SEMA3A: variants seen among roughly 807,000 people sequenced by gnomAD.
SEMA3A encodes semaphorin 3A, also known as semaphorin-3A.
A neutral mutation model predicts 97.9 loss-of-function variants in SEMA3A; 29 were observed. The ratio of observed to expected loss-of-function variants is 0.30; its 90% CI spans 0.22 to 0.40. The LOEUF is 0.40. Ranked by LOEUF, SEMA3A falls within the 10% of genes least tolerant of loss-of-function variation. SEMA3A has a pLI of 1.00. For missense variants in SEMA3A, 763 were observed against 951.3 expected, an observed-to-expected ratio of 0.80 and a Z score of 2.60; for synonymous variants, 321 against 323.7, an observed-to-expected ratio of 0.99 and a Z score of 0.09.
chr7:83,975,429 A>C (rs1413217124), intron 15 of SEMA3A, among the ~76,000 whole-genome samples: 1 of 152,184 alleles, frequency 6.6e-6, no homozygotes, highest in African/African-American at 2.4e-5. Flanking sequence ...TTTGAATATA[A>C]TGGTGTTGAT....
At chr7:84,385,486 T>C (rs752427100) in intron 1 of SEMA3A, among the ~76,000 whole-genome samples, 2 of 152,208 alleles carry the variant, frequency 1.3e-5, no homozygotes, top group African/African-American at 2.4e-5. Context: ...ACTCATCGTT[T>C]CATTGCTAGT....
chr7:84,332,494 T>C (rs1801931145), intron 2 of SEMA3A, among the ~76,000 whole-genome samples: 1 of 152,138 alleles, frequency 6.6e-6, no homozygotes. Flanking sequence ...TTCTTTACTA[T>C]AAGTCTACAC....
At chr7:84,400,183 G>A (rs1256744313) in intron 1 of SEMA3A, among the ~76,000 whole-genome samples, 1 of 152,110 alleles carries the variant, frequency 6.6e-6, no homozygotes, top group Non-Finnish European at 1.5e-5. Flanking sequence ...TTACAAACAA[G>A]ACCAGACTGT....
chr7:84,313,007 T>C (rs947656580), intron 2 of SEMA3A, among the ~76,000 whole-genome samples: 1 of 142,680 alleles, frequency 7.0e-6, no homozygotes, highest in Non-Finnish European at 1.5e-5. Flanking sequence ...TAGATGTGTA[T>C]GTATATTATA....
rs866234541 is a variant in SEMA3A, at chr7:84,270,317, A to G, written c.-83+36890T>C. On this transcript the variant is annotated intron_variant, in intron 3 of 3. Transcript: ENST00000424555. ...TGTATAGTTTGCTGAATATCTGTGA[A>G]ACACACTACATCTCAGACCTTTATT... 2.6e-5 allele frequency among the ~76,000 whole-genome samples: 4 copies of G among 152,116 alleles called. No homozygotes were observed. In the South Asian group the frequency reaches 8.3e-4, roughly 32 times the overall value.
intron 3 of SEMA3A, among the ~76,000 whole-genome samples, chr7:84,300,505 T>C (rs2115823936): frequency 6.6e-6 from 1 of 152,200 alleles, no homozygotes; most frequent in African/African-American, 2.4e-5. Flanking sequence ...GAAATCAGAA[T>C]ATATTAAATG....
chr7:84,315,911 T>G (rs1801482761), intron 2 of SEMA3A, among the ~76,000 whole-genome samples: 1 of 151,844 alleles, frequency 6.6e-6, no homozygotes, highest in Admixed American at 6.6e-5. Context: ...TTTATGATTT[T>G]ATGTACTTTT....
chr7:84,470,798 C>G (rs967086619), intron 1 of SEMA3A, among the ~76,000 whole-genome samples: 1 of 152,036 alleles, frequency 6.6e-6, no homozygotes, highest in Non-Finnish European at 1.5e-5. Context: ...AGCTCAACCT[C>G]GTCCCCATTC....
chr7:84,422,696 G>T (rs933777102), intron 1 of SEMA3A, among the ~76,000 whole-genome samples: 2 of 152,062 alleles, frequency 1.3e-5, no homozygotes, highest in African/African-American at 4.8e-5. Flanking sequence ...CTGTGTCCCA[G>T]AGATTCTGGT....
intron 10 of SEMA3A, among the ~76,000 whole-genome samples, chr7:84,005,885 G>T (rs1790647944): frequency 1.3e-5 from 2 of 152,120 alleles, no homozygotes; most frequent in African/African-American, 4.8e-5. Flanking sequence ...GGAGGTGGAG[G>T]TTGCAGTGAA....
chr7:84,393,242 C>T (rs1803633258), intron 1 of SEMA3A, among the ~76,000 whole-genome samples: 1 of 151,972 alleles, frequency 6.6e-6, no homozygotes, highest in Admixed American at 6.6e-5. Context: ...AGATAAGGGT[C>T]CAATTTCATT....
chr7:84,048,134 A>C (rs986280043), intron 5 of SEMA3A, among the ~76,000 whole-genome samples: 1 of 152,076 alleles, frequency 6.6e-6, no homozygotes, highest in African/African-American at 2.4e-5. Context: ...TGTTGAGTAT[A>C]AATTATTAGT....
chr7:84,367,404 C>T (rs964386458), intron 2 of SEMA3A, among the ~76,000 whole-genome samples: 8 of 151,136 alleles, frequency 5.3e-5, no homozygotes, highest in African/African-American at 1.9e-4. Flanking sequence ...TTTAAGAATC[C>T]TAAATATATT....
intron 1 of SEMA3A, among the ~76,000 whole-genome samples, chr7:84,427,175 T>C (rs1804849811): frequency 6.6e-6 from 1 of 152,078 alleles, no homozygotes. Flanking sequence ...CTGGAGAAAT[T>C]CTCTGAGATT....
chr7:84,198,023 A>C (rs1258013479), upstream of SEMA3A, among the ~76,000 whole-genome samples: 2 of 152,016 alleles, frequency 1.3e-5, no homozygotes. Context: ...TACAGGCGTG[A>C]GCCCCCGAGC....
chr7:84,435,551 T>A, intron 1 of SEMA3A, among the ~76,000 whole-genome samples: 1 of 152,208 alleles, frequency 6.6e-6, no homozygotes, highest in Middle Eastern at 3.2e-3. Flanking sequence ...GAAGTTGCAG[T>A]GAGCCAAGAT....
At chr7:84,429,154 T>A (rs1443722672) in intron 1 of SEMA3A, among the ~76,000 whole-genome samples, 1 of 151,984 alleles carries the variant, frequency 6.6e-6, no homozygotes, top group Non-Finnish European at 1.5e-5. Context: ...CATAATTTAG[T>A]TACTAATTGA....
At chr7:84,292,996 T>C (rs1245140622) in intron 3 of SEMA3A, among the ~76,000 whole-genome samples, 2 of 152,090 alleles carry the variant, frequency 1.3e-5, no homozygotes, top group East Asian at 3.9e-4. Context: ...TTACATTATA[T>C]AGAAGTAGAA....
At position 84,066,255 on chromosome 7, in the gene SEMA3A, T is replaced by C. The variant is rs1460593105; in HGVS notation, c.454-5697A>G. 7.4e-3 allele frequency among the ~76,000 whole-genome samples: 1,120 copies of C among 151,870 alleles called. 14 individuals are homozygous for C. The highest frequency in any genetic ancestry group is 0.025 in the African/African-American group (1,046 of 41,220). ...CTAAAAACTCTCAATAAATTAGGTATTGATGGGACGTATTTCAAAATAATA... is the reference window on the plus strand; with the variant it reads ...CTAAAAACTCTCAATAAATTAGGTACTGATGGGACGTATTTCAAAATAATA... On this transcript the variant is annotated intron_variant, in intron 4 of 16. Coordinates refer to ENST00000265362, the MANE Select transcript of SEMA3A (RefSeq NM_006080.3).
Sources: allele counts gnomAD v4.1 joint callset (sites outside exome capture counted in the v4.1 genomes callset), GRCh38; gene constraint gnomAD v4.1.1; transcripts MANE v1.5; gene names NCBI Gene and HGNC (gene_info 2026-07-23, HGNC 2026-07-21).